The following PAX3 variants were observed in gnomAD, a reference collection of about 807,000 sequenced individuals.
The protein encoded by PAX3 is paired box protein Pax-3.
Under a neutral mutation model 51.6 loss-of-function variants are expected in PAX3, and 14 were observed. The ratio of observed to expected loss-of-function variants is 0.27; its 90% CI spans 0.18 to 0.42. The LOEUF (loss-of-function observed/expected upper bound fraction) is 0.42. Among genes scored for constraint, PAX3 ranks in the 10% least tolerant of loss-of-function variants. The probability of loss-of-function intolerance (pLI) is 1.00; values close to 1 mark genes in which losing one functional copy is unlikely to be tolerated. For missense variants in PAX3, 540 were observed against 642.8 expected, an observed-to-expected ratio of 0.84 and a Z score of 1.73; for synonymous variants, 280 against 253.4, an observed-to-expected ratio of 1.11 and a Z score of -1.00.
At chr2:222,241,159 C>T (rs568785859) in intron 4 of PAX3, among the ~76,000 whole-genome samples, 4 of 152,128 alleles carry the variant, frequency 2.6e-5, no homozygotes, top group African/African-American at 7.2e-5. Context: ...TTGCAAGGGG[C>T]GCAGAAAGGT....
chr2:222,245,848 G>A (rs891239157), intron 4 of PAX3, among the ~76,000 whole-genome samples: 3 of 151,796 alleles, frequency 2.0e-5, no homozygotes, highest in Admixed American at 6.6e-5. Flanking sequence ...GGGTGTAGTG[G>A]GGCACACCTG....
intron 7 of PAX3, among the ~76,000 whole-genome samples, chr2:222,213,476 G>A (rs2106056704): frequency 6.6e-6 from 1 of 152,236 alleles, no homozygotes; most frequent in South Asian, 2.1e-4. Flanking sequence ...GCTCGTTTAT[G>A]ATCATAAACA....
chr2:222,201,817 C>CAAAA, intron 8 of PAX3, 127 bp downstream of exon 8: 11 of 1,448,434 alleles, frequency 7.6e-6, no homozygotes, highest in South Asian at 6.4e-5. Context: ...GCTGGCTTTG[C>CAAAA]AAAAAAAAAA....
At chr2:222,285,250 A>G (rs898188038) in intron 4 of PAX3, among the ~76,000 whole-genome samples, 3 of 152,218 alleles carry the variant, frequency 2.0e-5, no homozygotes, top group African/African-American at 4.8e-5. Context: ...ACATTTGAAT[A>G]TTGGAAGAAT....
intron 4 of PAX3, among the ~76,000 whole-genome samples, chr2:222,288,362 A>G (rs1324752327): frequency 6.6e-6 from 1 of 152,246 alleles, no homozygotes; most frequent in South Asian, 2.1e-4. Flanking sequence ...AACTCTAACA[A>G]TGCACATACA....
At chr2:222,225,502 C>T (rs973553834) in intron 5 of PAX3, among the ~76,000 whole-genome samples, 3 of 152,026 alleles carry the variant, frequency 2.0e-5, no homozygotes, top group African/African-American at 7.2e-5. Flanking sequence ...TACAAGTTGG[C>T]GGGTGGCGGG....
intron 4 of PAX3, among the ~76,000 whole-genome samples, chr2:222,257,485 A>G (rs1365373882): frequency 6.6e-6 from 1 of 152,200 alleles, no homozygotes; most frequent in Non-Finnish European, 1.5e-5. Context: ...CTGTTTTGCC[A>G]TGCTAATTAT....
At chr2:222,295,697 C>T (rs1695259229) in intron 2 of PAX3, 40 bp from the exon 3 acceptor site, 2 of 1,613,006 alleles carry the variant, frequency 1.2e-6, no homozygotes, top group Admixed American at 1.7e-5. Context: ...TACCCGGTAC[C>T]CTGGGCCAGG....
At chr2:222,248,489 A>G (rs994899501) in intron 4 of PAX3, among the ~76,000 whole-genome samples, 1 of 152,208 alleles carries the variant, frequency 6.6e-6, no homozygotes, top group Non-Finnish European at 1.5e-5. Context: ...AGCATTTTGT[A>G]CTTTCCATAC....
At chr2:222,222,550 C>T (rs1477196393) in intron 5 of PAX3, among the ~76,000 whole-genome samples, 1 of 152,032 alleles carries the variant, frequency 6.6e-6, no homozygotes, top group Non-Finnish European at 1.5e-5. Flanking sequence ...ATTACAGGCA[C>T]CCGCCACCAT....
intron 5 of PAX3, among the ~76,000 whole-genome samples, chr2:222,226,331 A>C (rs1279231070): frequency 6.6e-6 from 1 of 152,088 alleles, no homozygotes; most frequent in Non-Finnish European, 1.5e-5. Context: ...TTTCTATGAA[A>C]GGTTCTCCCA....
At chr2:222,251,926 GA>G (rs1348733393) in intron 4 of PAX3, among the ~76,000 whole-genome samples, 1 of 152,060 alleles carries the variant, frequency 6.6e-6, no homozygotes, top group Non-Finnish European at 1.5e-5. Flanking sequence ...AGAACTCTAA[GA>G]AAAATCATCA....
At chr2:222,223,158 G>T (rs1692263236) in intron 5 of PAX3, among the ~76,000 whole-genome samples, 1 of 151,392 alleles carries the variant, frequency 6.6e-6, no homozygotes, top group Non-Finnish European at 1.5e-5. Flanking sequence ...TTTGCCGAGG[G>T]ATTTGCTCAA....
intron 4 of PAX3, among the ~76,000 whole-genome samples, chr2:222,291,392 G>T (rs1347346896): frequency 7.2e-5 from 11 of 152,208 alleles, no homozygotes; most frequent in Non-Finnish European, 1.5e-4. Flanking sequence ...CTTAGCGCGC[G>T]CCCGTTAGGG....
intron 7 of PAX3, among the ~76,000 whole-genome samples, chr2:222,209,428 AGGAAAGGTATTTCT>A (rs1691634172): frequency 6.6e-6 from 1 of 152,162 alleles, no homozygotes; most frequent in Admixed American, 6.6e-5. Flanking sequence ...AGTAAATGTC[AGGAAAGGTATTTCT>A]GGTAATCATG....
chr2:222,280,497 AATAAT>A (rs768653058), intron 4 of PAX3, among the ~76,000 whole-genome samples: 135 of 152,334 alleles, frequency 8.9e-4, no homozygotes, highest in Middle Eastern at 6.8e-3. Context: ...AAAAAGGACA[AATAAT>A]ATAAGACAAA....
intron 8 of PAX3, 109 bp downstream of exon 8, chr2:222,201,835 G>C (rs1027769694): frequency 6.9e-7 from 1 of 1,443,722 alleles, no homozygotes; most frequent in East Asian, 2.3e-5. Flanking sequence ...AAAAAAAATT[G>C]ATACCGGCAT....
At chr2:222,235,297 A>G (rs960463904) in intron 4 of PAX3, among the ~76,000 whole-genome samples, 5 of 152,182 alleles carry the variant, frequency 3.3e-5, no homozygotes, top group Non-Finnish European at 7.3e-5. Context: ...TCACTGCTGG[A>G]ACCCTTAGAA....
intron 7 of PAX3, among the ~76,000 whole-genome samples, chr2:222,219,398 G>A (rs1249029984): frequency 6.6e-6 from 1 of 152,200 alleles, no homozygotes; most frequent in African/African-American, 2.4e-5. Context: ...CAAGGGATCT[G>A]TATTTAAACA....
Sources: gnomAD v4.1 joint callset for allele counts (sites outside exome capture counted in the v4.1 genomes callset) on GRCh38, gnomAD v4.1.1 for gene constraint, MANE v1.5 for transcripts, NCBI Gene and HGNC (gene_info 2026-07-23, HGNC 2026-07-21) for gene names.